The following ERMARD variants were observed in gnomAD, a reference collection of about 807,000 sequenced individuals.
ERMARD encodes the protein endoplasmic reticulum membrane-associated RNA degradation protein.
Under a neutral mutation model 83.9 loss-of-function variants are expected in ERMARD, and 71 were observed. The observed-to-expected ratio is 0.85, with a 90% CI of 0.70 to 1.03. The LOEUF (loss-of-function observed/expected upper bound fraction) is 1.03, where lower values mean the gene tolerates loss of function less well. Among genes scored for constraint, ERMARD ranks in the 50% least tolerant of loss-of-function variants. ERMARD has a pLI of 0.00. For synonymous variants in ERMARD, 284 were observed against 298.6 expected, an observed-to-expected ratio of 0.95 and a Z score of 0.50; for missense variants, 838 against 810.9, an observed-to-expected ratio of 1.03 and a Z score of -0.41.
upstream of ERMARD, chr6:169,751,351 GAAC>G: frequency 6.2e-7 from 1 of 1,613,894 alleles, no homozygotes. Context: ...CCTCCTTCTC[GAAC>G]ATGCTAGGCC....
intron 10 of ERMARD, chr6:169,767,694 C>T (rs750832349): frequency 4.5e-5 from 10 of 222,580 alleles, no homozygotes; most frequent in East Asian, 1.0e-4. Flanking sequence ...ACACCACACA[C>T]GAACTCACAC....
chr6:169,759,201 G>C (rs553269865), intron 6 of ERMARD, 136 bp downstream of exon 6: 2 of 757,122 alleles, frequency 2.6e-6, no homozygotes, highest in Non-Finnish European at 4.4e-6. Context: ...AGCTAAAATT[G>C]AATATTACTA....
rs1343611904 is a variant in ERMARD at position 169,762,414 on chromosome 6, C to T, written c.858-15C>T. ...GAAATGTGGAGTTTTACCTCTTTTCCCTTCAATTTCATAGGTTTGCTGACT... is the reference window on the plus strand; with the variant it reads ...GAAATGTGGAGTTTTACCTCTTTTCTCTTCAATTTCATAGGTTTGCTGACT... On this transcript the variant is annotated splice_polypyrimidine_tract_variant and intron_variant, in intron 8 of 17. Transcript: ENST00000366773. 2 of 1,605,816 alleles carry T rather than the reference C, an allele frequency of 1.2e-6. No homozygotes were observed. Among genetic ancestry groups the T allele is most frequent in the Non-Finnish European group, 1.7e-6 (2 of 1,174,262 alleles).
rs1793642497 is a variant in ERMARD, at chr6:169,776,670, G to A, written c.1736G>A (p.Ser579Asn). 6.2e-7 allele frequency: 1 copy of A among 1,613,222 alleles called. No homozygotes were observed. The highest frequency in any genetic ancestry group is 8.5e-7 in the Non-Finnish European group (1 of 1,179,966). The change falls in exon 16 of 18, where the codon AGT (serine) becomes AAT (asparagine). Residue 579 changes from serine (S) to asparagine (N), a missense_variant. Coordinates refer to ENST00000366773, the MANE Select transcript of ERMARD (RefSeq NM_018341.3). Reference sequence around the variant, plus strand: ...CGGCAGAACTACCTGCGTATGTGGAGTAGGTGCGCGCTCACTTTCCTGTTT... The same window carrying A: ...CGGCAGAACTACCTGCGTATGTGGAATAGGTGCGCGCTCACTTTCCTGTTT... ...RQRQNYLRMW[S>N]SIRLLSPVLS...
chr6:169,769,519 T>C (rs771762010), intron 11 of ERMARD, 21 bp from the exon 12 acceptor site: 59 of 1,589,968 alleles, frequency 3.7e-5, no homozygotes, highest in Non-Finnish European at 5.1e-5. Flanking sequence ...CAAAATATTT[T>C]CTCTGTTTAA....
Position 169,769,703 on chromosome 6 carries a change from C to G in ERMARD, c.1223C>G (p.Ser408Ter). 1 of 1,602,164 alleles carries G rather than the reference C, an allele frequency of 6.2e-7. No individual in the cohort carries two copies. The highest frequency in any genetic ancestry group is 8.5e-7 in the Non-Finnish European group (1 of 1,174,382). ...AGATTCGTTGATGACTGTCTGCTAT[C>G]AGTTTTTAAGGTAATTTATAGGGAA... is the stretch of plus-strand genomic sequence containing the variant. ...LLRFVDDCLL[S>*]VFKEKSAVEL... Residue 408 changes from serine to a stop codon, truncating the protein, a stop_gained, in exon 12 of 18, where the codon TCA becomes TGA. Transcript: ENST00000366773. LOFTEE classifies it high-confidence loss of function.
chr6:169,757,126 A>G (rs1404264415), intron 5 of ERMARD, among the ~76,000 whole-genome samples: 3 of 152,296 alleles, frequency 2.0e-5, no homozygotes, highest in Middle Eastern at 3.4e-3. Flanking sequence ...CTCCCACAAC[A>G]TGGGAGAATT....
In ERMARD at chr6:169,756,755, T is replaced by C. The variant is rs759560711; in HGVS notation, c.454T>C (p.Leu152=). ...GATTGGGAAGGAATGCCCCTTTCTT[T>C]TAAGAGATCTGCTTTCATCTGAGGA... The part of the protein sequence containing the change: ...LLIGKECPFL[L]RDLLSSEELA... Residue 152 remains leucine (L), a synonymous_variant, in exon 5 of 18, where the codon TTA becomes CTA. Coordinates refer to ENST00000366773, the MANE Select transcript of ERMARD (RefSeq NM_018341.3). 4 of 1,614,106 alleles carry C rather than the reference T, an allele frequency of 2.5e-6. No homozygotes were observed. Among genetic ancestry groups the C allele is most frequent in the Non-Finnish European group, 3.4e-6 (4 of 1,180,024 alleles).
intron 12 of ERMARD, among the ~76,000 whole-genome samples, chr6:169,772,770 CAAAAA>C (rs60417475): frequency 0.022 from 2,181 of 100,168 alleles, 24 homozygotes; most frequent in Middle Eastern, 0.073. Flanking sequence ...GACTCTGTCT[CAAAAA>C]AAAAAAAAAA....
intron 1 of ERMARD, chr6:169,751,880 C>T (rs534547604): frequency 6.3e-6 from 4 of 631,192 alleles, no homozygotes; most frequent in South Asian, 6.3e-5. Context: ...GCCGGCCTCC[C>T]TGGGCCAGGC....
At chr6:169,765,350 A>G (rs568733615) in intron 9 of ERMARD, among the ~76,000 whole-genome samples, 1 of 152,374 alleles carries the variant, frequency 6.6e-6, no homozygotes, top group African/African-American at 2.4e-5. Context: ...ATAAAACTTA[A>G]TAAGACACTG....
At chr6:169,755,202 T>G (rs1184447613) in intron 2 of ERMARD, 81 bp from the exon 3 acceptor site, 2 of 1,491,224 alleles carry the variant, frequency 1.3e-6, no homozygotes, top group Non-Finnish European at 1.8e-6. Flanking sequence ...AATTAAAGCA[T>G]TTTTTTCTTT....
chr6:169,774,570 T>C (rs1489707562), intron 13 of ERMARD, among the ~76,000 whole-genome samples: 1 of 152,216 alleles, frequency 6.6e-6, no homozygotes, highest in Non-Finnish European at 1.5e-5. Context: ...TACCACTTCC[T>C]GTCCCCCTCC....
chr6:169,777,539 T>TC (rs1327966690), intron 16 of ERMARD, among the ~76,000 whole-genome samples: 1 of 152,148 alleles, frequency 6.6e-6, no homozygotes, highest in East Asian at 1.9e-4. Flanking sequence ...AAAGTTAAGT[T>TC]CCCACAGCAT....
intron 4 of ERMARD, 88 bp from the exon 5 acceptor site, chr6:169,756,631 T>G: frequency 1.6e-6 from 2 of 1,214,612 alleles, no homozygotes; most frequent in Non-Finnish European, 2.4e-6. Flanking sequence ...TCACCCTTCA[T>G]TTGTACAAAC....
At position 169,756,749 on chromosome 6, in the gene ERMARD, T is replaced by G. The variant is rs1272207278; in HGVS notation, c.448T>G (p.Phe150Val). The change falls in exon 5 of 18, where the codon TTT (phenylalanine) becomes GTT (valine). Residue 150 changes from phenylalanine (F) to valine (V), a missense_variant. Physicochemically the swap from Phe to Val is conservative, Grantham distance 50. Coordinates refer to ENST00000366773, the MANE Select transcript of ERMARD (RefSeq NM_018341.3). Reference protein sequence around the residue: ...VFLLIGKECPFLLRDLLSSEE... With the variant: ...VFLLIGKECPVLLRDLLSSEE... ...TTTACTGATTGGGAAGGAATGCCCC[T>G]TTCTTTTAAGAGATCTGCTTTCATC... 1 of 1,614,100 alleles carries G rather than the reference T, an allele frequency of 6.2e-7. No individual in the cohort carries two copies. The highest frequency in any genetic ancestry group is 8.5e-7 in the Non-Finnish European group (1 of 1,180,020).
chr6:169,753,778 C>T, intron 1 of ERMARD, 86 bp from the exon 2 acceptor site: 1 of 1,034,752 alleles, frequency 9.7e-7, no homozygotes. Context: ...TGAGTGCATT[C>T]AGTTCTTAAG....
intron 9 of ERMARD, 70 bp downstream of exon 9, chr6:169,762,601 G>A (rs879136600): frequency 1.5e-6 from 2 of 1,352,542 alleles, no homozygotes; most frequent in South Asian, 2.5e-5. Context: ...CCAATTAAAA[G>A]TTTTTAAAAA....
Position 169,760,656 on chromosome 6 carries a change from G to GA in ERMARD, c.757_758insA (p.Val253AspfsTer37). ...TTATTTTACAGATGTTACTTATGAGGTGCTTTCAGTATTAGAAGAAGTGAT... is the reference window on the plus strand; with the variant it reads ...TTATTTTACAGATGTTACTTATGAGGATGCTTTCAGTATTAGAAGAAGTGAT... On this transcript the variant is annotated frameshift_variant, in exon 8 of 18. Coordinates refer to ENST00000366773, the MANE Select transcript of ERMARD (RefSeq NM_018341.3). LOFTEE classifies it high-confidence loss of function. 6.2e-7 allele frequency: 1 copy of GA among 1,603,892 alleles called. No homozygotes were observed. Among genetic ancestry groups the GA allele is most frequent in the Non-Finnish European group, 8.5e-7 (1 of 1,171,230 alleles).
Sources: allele counts gnomAD v4.1 joint callset (sites outside exome capture counted in the v4.1 genomes callset), GRCh38; gene constraint gnomAD v4.1.1; transcripts MANE v1.5; gene names NCBI Gene and HGNC (gene_info 2026-07-23, HGNC 2026-07-21).